PTPRT: variants seen among roughly 807,000 people sequenced by gnomAD.
PTPRT encodes protein tyrosine phosphatase receptor type T, also known as receptor-type tyrosine-protein phosphatase T.
Under a neutral mutation model 176.8 loss-of-function variants are expected in PTPRT, and 56 were observed. The ratio of observed to expected loss-of-function variants is 0.32; its 90% CI spans 0.26 to 0.40. PTPRT has a LOEUF of 0.40. Among genes scored for constraint, PTPRT ranks in the 10% least tolerant of loss-of-function variants. The pLI is 1.00. For synonymous variants in PTPRT, 783 were observed against 739.0 expected (o/e 1.06, Z -0.96); for missense variants, 1,540 against 1,908.2 (o/e 0.81, Z 3.60).
chr20:42,879,644 A>G (rs1434175235), intron 2 of PTPRT, among the ~76,000 whole-genome samples: 1 of 152,170 alleles, frequency 6.6e-6, no homozygotes, highest in East Asian at 1.9e-4. Flanking sequence ...CAAGGCAGGA[A>G]CCCACAGGGA....
chr20:42,568,149 A>G (rs1474163148), intron 7 of PTPRT, among the ~76,000 whole-genome samples: 3 of 151,918 alleles, frequency 2.0e-5, no homozygotes, highest in Non-Finnish European at 4.4e-5. Context: ...TTGTATTTTT[A>G]GTAAAGACAG....
intron 1 of PTPRT, among the ~76,000 whole-genome samples, chr20:43,045,918 C>T (rs1399269128): frequency 1.3e-5 from 2 of 152,106 alleles, no homozygotes; most frequent in African/African-American, 4.8e-5. Flanking sequence ...TAAGAAATGT[C>T]TACTGAGCCA....
At chr20:42,110,203 T>A in intron 23 of PTPRT, 130 bp downstream of exon 23, 2 of 821,112 alleles carry the variant, frequency 2.4e-6, no homozygotes, top group Non-Finnish European at 1.8e-6. Context: ...TATGCCACCA[T>A]GACCAGCTAA....
intron 15 of PTPRT, among the ~76,000 whole-genome samples, chr20:42,206,319 C>T (rs1568670589): frequency 6.6e-6 from 1 of 152,182 alleles, no homozygotes; most frequent in Non-Finnish European, 1.5e-5. Flanking sequence ...TCTACAGCTC[C>T]CAGCGTGAGC....
chr20:42,590,642 AGAG>A (rs2073552257), intron 7 of PTPRT, among the ~76,000 whole-genome samples: 1 of 152,164 alleles, frequency 6.6e-6, no homozygotes, highest in Non-Finnish European at 1.5e-5. Flanking sequence ...AAGCATCCTC[AGAG>A]GAGAAGATTG....
rs561285228 is a variant in PTPRT at position 42,756,769 on chromosome 20, G to C, written c.685-133C>G. ...TTTCCACTATAATAAGGGATTTCCA[G>C]CCAGGCACAGTGGCTCATGCCTGTA... On this transcript the variant is annotated intron_variant, in intron 5 of 30. Transcript: ENST00000373187. 1.1e-5 allele frequency: 8 copies of C among 760,686 alleles called. No individual in the cohort carries two copies. In the South Asian group the frequency reaches 2.0e-4, roughly 19 times the overall value. The allele number at this position is 760,686 out of a possible 1,614,324, so 47.1% of individuals were successfully genotyped here.
intron 2 of PTPRT, among the ~76,000 whole-genome samples, chr20:42,867,107 T>C (rs776988032): frequency 6.6e-6 from 1 of 152,216 alleles, no homozygotes; most frequent in Non-Finnish European, 1.5e-5. Context: ...TGCTGGAAAC[T>C]CCTCATCAAA....
intron 2 of PTPRT, among the ~76,000 whole-genome samples, chr20:42,854,370 C>T (rs2078526874): frequency 6.6e-6 from 1 of 152,204 alleles, no homozygotes; most frequent in African/African-American, 2.4e-5. Flanking sequence ...CAAGTTTGAA[C>T]ACCTTGACAA....
At chr20:42,950,470 C>CTTTG (rs1476938787) in intron 1 of PTPRT, among the ~76,000 whole-genome samples, 1 of 152,124 alleles carries the variant, frequency 6.6e-6, no homozygotes, top group African/African-American at 2.4e-5. Context: ...ACCTAGCTGC[C>CTTTG]TTTGTTAACT....
intron 1 of PTPRT, among the ~76,000 whole-genome samples, chr20:43,144,934 C>T (rs1159370710): frequency 4.6e-5 from 7 of 152,216 alleles, no homozygotes; most frequent in Non-Finnish European, 7.3e-5. Context: ...ACTGGCCTCA[C>T]CTCTGATGCT....
In PTPRT at chr20:42,128,036, T is replaced by C. The variant is rs140185103; in HGVS notation, c.2847+718A>G. ...TCTGAGCATTTAATCTTCACTGATG[T>C]AGTCCCAACAATATTTTCCATTATT... On this transcript the variant is annotated intron_variant, in intron 19 of 30. Transcript: ENST00000373187. 2.8e-3 allele frequency among the ~76,000 whole-genome samples: 431 copies of C among 152,350 alleles called. 3 individuals are homozygous for C. Among genetic ancestry groups the C allele is most frequent in the African/African-American group, 9.9e-3 (413 of 41,582 alleles).
intron 9 of PTPRT, among the ~76,000 whole-genome samples, chr20:42,388,275 G>T (rs1449245241): frequency 1.3e-5 from 2 of 152,220 alleles, no homozygotes; most frequent in East Asian, 3.8e-4. Context: ...ATTGACAAAT[G>T]GGATCTAATT....
At chr20:42,138,207 G>A (rs1988460423) in intron 18 of PTPRT, among the ~76,000 whole-genome samples, 1 of 152,236 alleles carries the variant, frequency 6.6e-6, no homozygotes, top group South Asian at 2.1e-4. Flanking sequence ...GAGAACCACT[G>A]GATTAGGTCA....
chr20:42,947,979 C>T (rs1980993183), intron 1 of PTPRT, among the ~76,000 whole-genome samples: 1 of 151,934 alleles, frequency 6.6e-6, no homozygotes, highest in South Asian at 2.1e-4. Flanking sequence ...TCAATACATG[C>T]ATTTGTTGAA....
At chr20:42,202,247 G>GAA (rs1398612896) in intron 15 of PTPRT, among the ~76,000 whole-genome samples, 1 of 152,186 alleles carries the variant, frequency 6.6e-6, no homozygotes, top group African/African-American at 2.4e-5. Flanking sequence ...TAGGATTACA[G>GAA]GTGGGAGCCA....
chr20:42,741,923 G>A (rs1471361282), intron 6 of PTPRT, among the ~76,000 whole-genome samples: 1 of 152,212 alleles, frequency 6.6e-6, no homozygotes, highest in Non-Finnish European at 1.5e-5. Context: ...AAAGGCAACA[G>A]AGCCTGGAAT....
Position 42,512,146 on chromosome 20 carries a change from T to C in PTPRT, c.1154-39584A>G, listed in dbSNP as rs564649322. On this transcript the variant is annotated intron_variant, in intron 7 of 30. Coordinates refer to ENST00000373187, the MANE Select transcript of PTPRT (RefSeq NM_007050.6). ...ATTATCATACCAAATATTCATGAAA[T>C]TTAATACACAATTTATATAAATTTC... is the stretch of plus-strand genomic sequence containing the variant. Among the ~76,000 whole-genome samples, 4 of 152,278 alleles carry C rather than the reference T, an allele frequency of 2.6e-5. No homozygotes were observed. In the South Asian group the frequency reaches 8.3e-4, roughly 32 times the overall value.
chr20:42,741,628 G>T (rs961548237), intron 6 of PTPRT, among the ~76,000 whole-genome samples: 1 of 152,060 alleles, frequency 6.6e-6, no homozygotes, highest in Non-Finnish European at 1.5e-5. Flanking sequence ...TTACAGGCAT[G>T]AGCCACCACA....
intron 1 of PTPRT, among the ~76,000 whole-genome samples, chr20:42,976,436 C>T (rs531406292): frequency 1.6e-4 from 25 of 151,622 alleles, no homozygotes; most frequent in East Asian, 7.8e-4. Flanking sequence ...GACAGAGTCT[C>T]GCTCTGTCGC....
Sources: gnomAD v4.1 joint callset for allele counts (sites outside exome capture counted in the v4.1 genomes callset) on GRCh38, gnomAD v4.1.1 for gene constraint, MANE v1.5 for transcripts, NCBI Gene and HGNC (gene_info 2026-07-23, HGNC 2026-07-21) for gene names.